Variants in ZFHX3 observed in about 807,000 individuals in gnomAD.
The protein encoded by ZFHX3 is zinc finger homeobox 3.
A neutral mutation model predicts 279.1 loss-of-function variants in ZFHX3; 42 were observed. That is an observed-to-expected ratio of 0.15 (90% CI 0.12 to 0.19). The LOEUF is 0.19. ZFHX3 is among the 10% of genes least tolerant of loss of function. The pLI, the probability that ZFHX3 is intolerant of heterozygous loss-of-function variation, is 1.00. For synonymous variants in ZFHX3, 2,293 were observed against 1,957.8 expected (o/e 1.17, Z -4.52); for missense variants, 4,981 against 4,754.0 (o/e 1.05, Z -1.40).
At chr16:73,650,668 A>G (rs899824048) in intron 2 of ZFHX3, among the ~76,000 whole-genome samples, 3 of 152,196 alleles carry the variant, frequency 2.0e-5, no homozygotes, top group Non-Finnish European at 4.4e-5. Context: ...AAGTAATCAC[A>G]TTAGCTAAGT....
At chr16:73,486,131 T>C (rs1416710560) in intron 2 of ZFHX3, among the ~76,000 whole-genome samples, 1 of 152,200 alleles carries the variant, frequency 6.6e-6, no homozygotes. Flanking sequence ...GCGGGGAACA[T>C]AAGGCTGATT....
intron 3 of ZFHX3, among the ~76,000 whole-genome samples, chr16:72,943,539 C>A (rs1960516087): frequency 6.6e-6 from 1 of 152,034 alleles, no homozygotes; most frequent in Admixed American, 6.6e-5. Flanking sequence ...CTCAAAAAAA[C>A]AGAAAACAAA....
chr16:73,715,379 G>A (rs763003972), intron 1 of ZFHX3, among the ~76,000 whole-genome samples: 12 of 152,142 alleles, frequency 7.9e-5, no homozygotes, highest in African/African-American at 2.7e-4. Flanking sequence ...GTAGACTTGC[G>A]TATCTTCTTT....
chr16:73,633,040 C>G (rs2052492257), intron 2 of ZFHX3, among the ~76,000 whole-genome samples: 1 of 152,184 alleles, frequency 6.6e-6, no homozygotes, highest in Non-Finnish European at 1.5e-5. Context: ...GATCGCACCA[C>G]TGCACTCTAG....
chr16:73,177,188 A>G (rs1967684927), intron 5 of ZFHX3, among the ~76,000 whole-genome samples: 1 of 152,172 alleles, frequency 6.6e-6, no homozygotes, highest in African/African-American at 2.4e-5. Flanking sequence ...CCAACCAACC[A>G]ACCAACCAAA....
intron 2 of ZFHX3, among the ~76,000 whole-genome samples, chr16:72,953,968 C>A (rs1235292235): frequency 6.6e-6 from 1 of 152,180 alleles, no homozygotes; most frequent in East Asian, 1.9e-4. Flanking sequence ...GAGAACTATG[C>A]CTCAGAGAAA....
At chr16:73,393,514 T>G (rs1325618766) in intron 3 of ZFHX3, among the ~76,000 whole-genome samples, 1 of 152,212 alleles carries the variant, frequency 6.6e-6, no homozygotes, top group African/African-American at 2.4e-5. Flanking sequence ...GAAGCAGAGA[T>G]GAGCACATAA....
intron 2 of ZFHX3, among the ~76,000 whole-genome samples, chr16:73,506,662 G>A (rs1055052844): frequency 1.2e-4 from 19 of 152,226 alleles, no homozygotes; most frequent in African/African-American, 1.7e-4. Flanking sequence ...AGCCCTGACC[G>A]CGACCAATCA....
intron 2 of ZFHX3, among the ~76,000 whole-genome samples, chr16:73,579,877 T>TATATATATATATAC (rs1231940478): frequency 1.4e-5 from 2 of 145,052 alleles, no homozygotes; most frequent in African/African-American, 5.1e-5. Flanking sequence ...TATATATACA[T>TATATATATATATAC]ACACACACAT....
At chr16:73,108,880 C>T (rs980725868) in intron 7 of ZFHX3, among the ~76,000 whole-genome samples, 3 of 152,232 alleles carry the variant, frequency 2.0e-5, no homozygotes, top group South Asian at 2.1e-4. Context: ...GGCCTGGTGG[C>T]GATGGGGAGG....
chr16:73,071,123 A>C (rs1188762759), intron 8 of ZFHX3, among the ~76,000 whole-genome samples: 1 of 141,328 alleles, frequency 7.1e-6, no homozygotes, highest in African/African-American at 2.8e-5. Flanking sequence ...GAGATTTCTA[A>C]ATTAAAAAAA....
intron 3 of ZFHX3, among the ~76,000 whole-genome samples, chr16:73,335,345 C>T (rs58054820): frequency 0.14 from 20,608 of 152,086 alleles, 3,017 homozygotes; most frequent in East Asian, 0.35. Flanking sequence ...GAATTAGAAC[C>T]TAAAAGATAA....
intron 2 of ZFHX3, among the ~76,000 whole-genome samples, chr16:73,570,067 G>C (rs998876945): frequency 1.3e-5 from 2 of 151,974 alleles, no homozygotes; most frequent in Non-Finnish European, 2.9e-5. Flanking sequence ...ACACTTCCCG[G>C]GTATACATTT....
chr16:73,623,304 G>GCT (rs1375628340), intron 2 of ZFHX3, among the ~76,000 whole-genome samples: 5 of 152,106 alleles, frequency 3.3e-5, no homozygotes, highest in Non-Finnish European at 7.4e-5. Context: ...CCAAAGCACT[G>GCT]GGATTACAGG....
At chr16:73,704,840 A>G (rs1358287626) in intron 1 of ZFHX3, among the ~76,000 whole-genome samples, 2 of 152,162 alleles carry the variant, frequency 1.3e-5, no homozygotes, top group African/African-American at 2.4e-5. Context: ...GTAGAATTGC[A>G]TCTCCAAGCT....
intron 5 of ZFHX3, among the ~76,000 whole-genome samples, chr16:73,170,831 T>C (rs529437979): frequency 3.4e-4 from 51 of 152,198 alleles, no homozygotes; most frequent in African/African-American, 1.1e-3. Context: ...CTGAATTGGC[T>C]CTTCCCCTCC....
intron 2 of ZFHX3, among the ~76,000 whole-genome samples, chr16:73,671,856 CTA>C (rs2052907272): frequency 6.6e-6 from 1 of 152,138 alleles, no homozygotes; most frequent in African/African-American, 2.4e-5. Context: ...ATATTCCTCT[CTA>C]TAAATACATA....
At chr16:73,667,857 C>G (rs2052861137) in intron 2 of ZFHX3, among the ~76,000 whole-genome samples, 2 of 152,190 alleles carry the variant, frequency 1.3e-5, no homozygotes, top group South Asian at 4.1e-4. Flanking sequence ...CTCATCTTCC[C>G]TCACTTCCAC....
At chr16:72,940,192 G>A (rs1002934431) in intron 3 of ZFHX3, among the ~76,000 whole-genome samples, 27 of 152,290 alleles carry the variant, frequency 1.8e-4, no homozygotes, top group African/African-American at 6.5e-4. Flanking sequence ...TTACAGGTGT[G>A]AGCCATGGCC....
Sources: allele counts gnomAD v4.1 joint callset (sites outside exome capture counted in the v4.1 genomes callset), GRCh38; gene constraint gnomAD v4.1.1; transcripts MANE v1.5; gene names NCBI Gene and HGNC (gene_info 2026-07-23, HGNC 2026-07-21).